The following PLSCR2 variants were observed in gnomAD, a reference collection of about 807,000 sequenced individuals.
The protein encoded by PLSCR2 is PL scramblase 2.
A neutral mutation model predicts 25.3 loss-of-function variants in PLSCR2; 18 were observed. The ratio of observed to expected loss-of-function variants is 0.71; its 90% CI spans 0.49 to 1.06. The LOEUF (loss-of-function observed/expected upper bound fraction) is 1.06. Among genes scored for constraint, PLSCR2 ranks in the 50% least tolerant of loss-of-function variants. PLSCR2 has a pLI of 0.00. For synonymous variants in PLSCR2, 88 were observed against 87.3 expected (o/e 1.01, Z -0.04); for missense variants, 243 against 269.5 (o/e 0.90, Z 0.69).
At chr3:146,425,227 A>T (rs1237215588) in intron 2 of PLSCR2, among the ~76,000 whole-genome samples, 1 of 152,154 alleles carries the variant, frequency 6.6e-6, no homozygotes, top group East Asian at 1.9e-4. Context: ...CAAGTCATTT[A>T]TTGCAAGTAA....
intron 2 of PLSCR2, among the ~76,000 whole-genome samples, chr3:146,396,541 T>A (rs2107981294): frequency 6.6e-6 from 1 of 152,210 alleles, no homozygotes; most frequent in East Asian, 1.9e-4. Flanking sequence ...GGTAGGGGCA[T>A]GGTTTTAGAG....
At chr3:146,439,294 T>C (rs969884410), downstream of PLSCR2, among the ~76,000 whole-genome samples, 3 of 152,208 alleles carry the variant, frequency 2.0e-5, no homozygotes, top group African/African-American at 7.2e-5. Flanking sequence ...TGGCATTCTC[T>C]GTATTTCCTG....
intron 2 of PLSCR2, 104 bp downstream of exon 2, chr3:146,459,744 T>C (rs1560026641): frequency 6.5e-6 from 5 of 765,718 alleles, no homozygotes; most frequent in East Asian, 2.7e-5. Context: ...AATTAATTAA[T>C]AAGCAGTAAA....
chr3:146,440,192 G>C (rs984282013), downstream of PLSCR2, among the ~76,000 whole-genome samples: 2 of 152,302 alleles, frequency 1.3e-5, no homozygotes, highest in South Asian at 2.1e-4. Context: ...CCTACTGGGA[G>C]ATGCCTCCCA....
intron 1 of PLSCR2, among the ~76,000 whole-genome samples, chr3:146,470,371 C>G (rs1349928170): frequency 6.6e-6 from 1 of 151,932 alleles, no homozygotes; most frequent in African/African-American, 2.4e-5. Flanking sequence ...ATGGTGAAAC[C>G]CCGTCTCTAC....
rs1009485304 is a variant in PLSCR2, at chr3:146,458,289, G to A, written c.100+122C>T. The A allele has an allele frequency of 4.0e-5, 31 of 768,108 alleles. No individual in the cohort carries two copies. The Admixed American group carries it at 6.4e-4, about 16-fold the overall frequency. 47.6% of individuals were successfully genotyped at this position (768,108 alleles called of 1,614,324 possible). A position where few individuals can be genotyped will look rare whatever the true frequency, so the allele number is the denominator to read the frequency against. On this transcript the variant is annotated intron_variant, in intron 3 of 6. Transcript: ENST00000610787. The stretch of plus-strand genomic sequence containing the variant: ...TTCATTATTGTAAAGACAGACATTC[G>A]TAAATAGTCAGTTTTACCATCCCAC...
intron 2 of PLSCR2, among the ~76,000 whole-genome samples, chr3:146,411,563 G>A (rs1442600350): frequency 2.0e-5 from 3 of 152,188 alleles, no homozygotes; most frequent in African/African-American, 4.8e-5. Flanking sequence ...GAGCAAGACC[G>A]GCTCTTGCCC....
Position 146,490,608 on chromosome 3 carries a change from T to C in PLSCR2, c.-293+5287A>G, listed in dbSNP as rs564448669. On this transcript the variant is annotated intron_variant, in intron 1 of 8. Coordinates refer to the PLSCR2 transcript ENST00000336685. Reference sequence around the variant, plus strand: ...TGTTGAATTGAACACTTTCTTGTTATGTAATGCTTTGACTTTTTAGGTTAT... The same window carrying C: ...TGTTGAATTGAACACTTTCTTGTTACGTAATGCTTTGACTTTTTAGGTTAT... 2.6e-5 allele frequency among the ~76,000 whole-genome samples: 4 copies of C among 152,276 alleles called. No homozygotes were observed. The South Asian group carries it at 6.2e-4, about 24-fold the overall frequency.
chr3:146,421,958 T>C (rs771819653), intron 2 of PLSCR2, among the ~76,000 whole-genome samples: 1 of 152,124 alleles, frequency 6.6e-6, no homozygotes, highest in Non-Finnish European at 1.5e-5. Flanking sequence ...TGTATTTATC[T>C]TATTTGCCTG....
At chr3:146,436,370 G>A (rs541993029) in intron 8 of PLSCR2, among the ~76,000 whole-genome samples, 20 of 152,258 alleles carry the variant, frequency 1.3e-4, no homozygotes, top group African/African-American at 3.9e-4. Flanking sequence ...TGGGCAGGAT[G>A]GCCATTTTCA....
intron 6 of PLSCR2, among the ~76,000 whole-genome samples, chr3:146,448,283 A>T (rs537544797): frequency 6.6e-6 from 1 of 152,090 alleles, no homozygotes; most frequent in Non-Finnish European, 1.5e-5. Flanking sequence ...CCCCTGTTTA[A>T]TCTTTATCCC....
chr3:146,481,485 A>G (rs1176148434), intron 1 of PLSCR2, among the ~76,000 whole-genome samples: 1 of 152,188 alleles, frequency 6.6e-6, no homozygotes, highest in African/African-American at 2.4e-5. Context: ...CACAATTGCT[A>G]CAAACAGAAT....
chr3:146,407,449 A>T (rs558905207), intron 2 of PLSCR2, among the ~76,000 whole-genome samples: 1 of 152,270 alleles, frequency 6.6e-6, no homozygotes, highest in South Asian at 2.1e-4. Flanking sequence ...CTGTAAAGTC[A>T]ATTTCCCAGT....
At chr3:146,458,316 T>C in intron 3 of PLSCR2, 95 bp downstream of exon 3, 1 of 1,075,272 alleles carries the variant, frequency 9.3e-7, no homozygotes, top group African/African-American at 1.7e-5. Flanking sequence ...CCATCCCACA[T>C]CACTCGGAAT....
intron 6 of PLSCR2, 109 bp downstream of exon 6, chr3:146,449,097 A>C: frequency 1.2e-6 from 1 of 840,882 alleles, no homozygotes; most frequent in East Asian, 2.6e-5. Context: ...AACATTTTAT[A>C]AAACCTTTAC....
At chr3:146,443,241 T>C (rs2040351554) in intron 6 of PLSCR2, among the ~76,000 whole-genome samples, 1 of 152,070 alleles carries the variant, frequency 6.6e-6, no homozygotes. Context: ...TTTTTAAATA[T>C]GTCTTTGTTT....
At position 146,423,282 on chromosome 3, in the gene PLSCR2, T is replaced by TCTCTCTCTCTCTCTCTCTCTCTCTCTCC. The variant is rs758576585; in HGVS notation, c.101-27362_101-27361insGGAGAGAGAGAGAGAGAGAGAGAGAGAG. 6.9e-5 allele frequency among the ~76,000 whole-genome samples: 7 copies of TCTCTCTCTCTCTCTCTCTCTCTCTCTCC among 101,004 alleles called. 1 individual carries two copies. Among genetic ancestry groups the TCTCTCTCTCTCTCTCTCTCTCTCTCTCC allele is most frequent in the Non-Finnish European group, 1.2e-4 (6 of 50,486 alleles). 66.3% of individuals were successfully genotyped at this position (101,004 alleles called of 152,430 possible). A position where few individuals can be genotyped will look rare whatever the true frequency, so the allele number is the denominator to read the frequency against. On this transcript the variant is annotated intron_variant and NMD_transcript_variant, in intron 2 of 3. Coordinates refer to the PLSCR2 transcript ENST00000463633. ...CTCTCTCTCTCTCTCTCTCTCTCTCTCCCTGGCTAGATTCTCACAAGAAAC... is the reference window on the plus strand; with the variant it reads ...CTCTCTCTCTCTCTCTCTCTCTCTCTCTCTCTCTCTCTCTCTCTCTCTCTCTCCCCCTGGCTAGATTCTCACAAGAAAC...
rs549163424 is a variant in PLSCR2 at position 146,455,178 on chromosome 3, T to C, written c.321+61A>G. 5 of 1,087,066 alleles carry C rather than the reference T, an allele frequency of 4.6e-6. No homozygotes were observed. The Admixed American group carries it at 7.1e-5, about 15-fold the overall frequency. 67.3% of individuals were successfully genotyped at this position (1,087,066 alleles called of 1,614,324 possible). On this transcript the variant is annotated intron_variant, in intron 4 of 6. Coordinates refer to ENST00000610787, the Ensembl canonical transcript of PLSCR2. Reference sequence around the variant, plus strand: ...ATTTCATTTGATTATACAGATTCAATAAAAGGGTGGAAATCCTTGCTGAAC... The same window carrying C: ...ATTTCATTTGATTATACAGATTCAACAAAAGGGTGGAAATCCTTGCTGAAC...
At chr3:146,477,558 G>C (rs2042331535) in intron 1 of PLSCR2, among the ~76,000 whole-genome samples, 1 of 152,248 alleles carries the variant, frequency 6.6e-6, no homozygotes, top group Non-Finnish European at 1.5e-5. Flanking sequence ...GCTGAGGCTT[G>C]ACTAGGTAAA....
Sources: gnomAD v4.1 joint callset for allele counts (sites outside exome capture counted in the v4.1 genomes callset) on GRCh38, gnomAD v4.1.1 for gene constraint, MANE v1.5 for transcripts, NCBI Gene and HGNC (gene_info 2026-07-23, HGNC 2026-07-21) for gene names.